The following PLIN1 variants were observed in gnomAD, a reference collection of about 807,000 sequenced individuals.
PLIN1 encodes perilipin 1.
Under a neutral mutation model 45.8 loss-of-function variants are expected in PLIN1, and 37 were observed. The observed-to-expected ratio is 0.81, with a 90% CI of 0.62 to 1.06. The LOEUF (loss-of-function observed/expected upper bound fraction) is 1.06. Among genes scored for constraint, PLIN1 ranks in the 50% least tolerant of loss-of-function variants. The pLI, the probability that PLIN1 is intolerant of heterozygous loss-of-function variation, is 0.00. For missense variants in PLIN1, 776 were observed against 716.5 expected (o/e 1.08, Z -0.95); for synonymous variants, 340 against 309.2 (o/e 1.10, Z -1.05).
chr15:89,664,995 C>G lies in PLIN1; in HGVS notation c.*588G>C, dbSNP rs1964308485. On this transcript the variant is annotated 3_prime_UTR_variant, in exon 9 of 9. Coordinates refer to ENST00000300055, the MANE Select transcript of PLIN1 (RefSeq NM_002666.5). ...CTCAGCCTGTGAAGCGGCGGGTACT[C>G]AGAAAGTGACACTAGTATTTTAAAT... The G allele has an allele frequency of 2.2e-6, 1 of 448,436 alleles. No homozygotes were observed. Among genetic ancestry groups the G allele is most frequent in the African/African-American group, 2.0e-5 (1 of 49,706 alleles). 27.8% of individuals were successfully genotyped at this position (448,436 alleles called of 1,614,324 possible). A position where few individuals can be genotyped will look rare whatever the true frequency, so the allele number is the denominator to read the frequency against.
chr15:89,670,373 T>C, intron 4 of PLIN1, 129 bp from the exon 5 acceptor site: 1 of 911,522 alleles, frequency 1.1e-6, no homozygotes, highest in Non-Finnish European at 1.7e-6. Context: ...GAACTGGTAC[T>C]GATATTTAGG....
intron 1 of PLIN1, among the ~76,000 whole-genome samples, chr15:89,678,236 G>A (rs113014442): frequency 0.065 from 9,892 of 151,908 alleles, 355 homozygotes; most frequent in Middle Eastern, 0.11. Context: ...GAGGCCAGGC[G>A]CGGTGGCTCA....
At chr15:89,674,146 G>A (rs898189224) in intron 2 of PLIN1, among the ~76,000 whole-genome samples, 1 of 152,226 alleles carries the variant, frequency 6.6e-6, no homozygotes, top group African/African-American at 2.4e-5. Context: ...GTGCCTAGTA[G>A]AATGTGTAGG....
chr15:89,678,509 C>CAA (rs796189693), intron 1 of PLIN1, among the ~76,000 whole-genome samples: 24 of 129,890 alleles, frequency 1.8e-4, no homozygotes, highest in African/African-American at 6.5e-4. Context: ...GACTCTGTCT[C>CAA]AAAAAAAAAA....
At chr15:89,668,710 G>A (rs766910246) in intron 6 of PLIN1, among the ~76,000 whole-genome samples, 1 of 152,176 alleles carries the variant, frequency 6.6e-6, no homozygotes. Flanking sequence ...CCAGGCATGT[G>A]ACTCAGTCTC....
At chr15:89,675,932 G>C (rs1226178861) in intron 2 of PLIN1, among the ~76,000 whole-genome samples, 6 of 152,172 alleles carry the variant, frequency 3.9e-5, no homozygotes, top group Non-Finnish European at 8.8e-5. Context: ...AAGTGAGGAC[G>C]AGGCGGGATT....
At chr15:89,675,502 G>A (rs1243522696) in intron 2 of PLIN1, among the ~76,000 whole-genome samples, 1 of 151,854 alleles carries the variant, frequency 6.6e-6, no homozygotes, top group Non-Finnish European at 1.5e-5. Context: ...AGCTGCTGGG[G>A]AGGCTGAGGT....
intron 2 of PLIN1, among the ~76,000 whole-genome samples, chr15:89,675,587 A>G (rs2141538411): frequency 6.6e-6 from 1 of 152,254 alleles, no homozygotes; most frequent in South Asian, 2.1e-4. Flanking sequence ...AGCCGGGGTG[A>G]CAGAGCAAGA....
chr15:89,669,842 A>C, intron 5 of PLIN1, 138 bp downstream of exon 5: 1 of 998,020 alleles, frequency 1.0e-6, no homozygotes, highest in Non-Finnish European at 1.5e-6. Context: ...TGGGGGGGGT[A>C]AATGATTATG....
At position 89,665,937 on chromosome 15, in the gene PLIN1, G is replaced by T. The variant is rs1204682760; in HGVS notation, c.1215C>A (p.Pro405=). 2 of 1,510,820 alleles carry T rather than the reference G, an allele frequency of 1.3e-6. No individual in the cohort carries two copies. The highest frequency in any genetic ancestry group is 2.6e-5 in the East Asian group (1 of 37,896). The allele number at this position is 1,510,820 out of a possible 1,614,324, so 93.6% of individuals were successfully genotyped here. A position where few individuals can be genotyped will look rare whatever the true frequency, so the allele number is the denominator to read the frequency against. Residue 405 remains proline (P), a synonymous_variant, in exon 9 of 9, where the codon CCC becomes CCA. Coordinates refer to ENST00000300055, the MANE Select transcript of PLIN1 (RefSeq NM_002666.5). ...VDTVVHYVPL[P]RLSLMEPESE... is the part of the protein sequence containing the mutation. ...TCTCGGGCTCCATCAGCGACAGCCT[G>T]GGGAGCTGAGGGCCCGGCAGCCGCC...
rs201579932 is a variant in PLIN1, at chr15:89,667,182, C to T, written c.964-1G>A. On this transcript the variant is annotated splice_acceptor_variant, in intron 7 of 8. Coordinates refer to ENST00000300055, the MANE Select transcript of PLIN1 (RefSeq NM_002666.5). LOFTEE classifies it high-confidence loss of function. ...CTCGAGGGCCTGGCAGGGCTGCTAC[C>T]TGGGGGCCAAAGCAGGGTCAGTGCC... 249 of 1,612,868 alleles carry T rather than the reference C, an allele frequency of 1.5e-4. No individual in the cohort carries two copies. The highest frequency in any genetic ancestry group is 2.1e-4 in the Non-Finnish European group (244 of 1,179,994).
Position 89,670,311 on chromosome 15 carries a change from G to T in PLIN1, c.334-67C>A, listed in dbSNP as rs1567078073. ...GGCCCTACAAGGGCTGCCCTTCCGG[G>T]GTCTGGTGGCCTGAGCCCAGCTCCC... On this transcript the variant is annotated intron_variant, in intron 4 of 8. Transcript: ENST00000300055. 5 of 1,536,224 alleles carry T rather than the reference G, an allele frequency of 3.3e-6. No homozygotes were observed. The South Asian group carries it at 6.2e-5, about 19-fold the overall frequency.
intron 1 of PLIN1, among the ~76,000 whole-genome samples, chr15:89,678,859 T>G: frequency 6.6e-6 from 1 of 152,110 alleles, no homozygotes; most frequent in East Asian, 1.9e-4. Flanking sequence ...CCCTATCTGT[T>G]TTTTGAGACA....
chr15:89,671,550 C>T lies in PLIN1; in HGVS notation c.265G>A (p.Glu89Lys), dbSNP rs1346154246. 9 of 1,567,452 alleles carry T rather than the reference C, an allele frequency of 5.7e-6. No individual in the cohort carries two copies. The highest frequency in any genetic ancestry group is 1.4e-5 in the African/African-American group (1 of 73,918). ...RLSTQFTAAN[E>K]LACRGLDHLE... ...TGGTCCAAGCCTCGGCAGGCCAGCT[C>T]ATTGGCAGCTGTGACTGGAAGGAAA... is the stretch of plus-strand genomic sequence containing the variant. The change falls in exon 4 of 9, where the codon GAG (glutamate) becomes AAG (lysine). Residue 89 changes from glutamate to lysine, a missense_variant. Transcript: ENST00000300055.
Position 89,664,731 on chromosome 15 carries a change from A to G in PLIN1, c.*852T>C. ...GGGGAGCTCGGGGAGAAAGACACAC[A>G]TCCTTTTGCAATATTTGAATTCTGT... On this transcript the variant is annotated 3_prime_UTR_variant, in exon 9 of 9. Coordinates refer to ENST00000300055, the MANE Select transcript of PLIN1 (RefSeq NM_002666.5). 7.5e-6 allele frequency: 3 copies of G among 401,952 alleles called. No homozygotes were observed. Among genetic ancestry groups the G allele is most frequent in the South Asian group, 5.6e-5 (3 of 54,046 alleles). 24.9% of individuals were successfully genotyped at this position (401,952 alleles called of 1,614,324 possible). A position where few individuals can be genotyped will look rare whatever the true frequency, so the allele number is the denominator to read the frequency against.
At chr15:89,666,724 C>T (rs1422685885) in intron 8 of PLIN1, among the ~76,000 whole-genome samples, 2 of 151,976 alleles carry the variant, frequency 1.3e-5, no homozygotes, top group African/African-American at 4.8e-5. Flanking sequence ...GGGGAGAGGC[C>T]TCAGGCCAGA....
At chr15:89,674,127 G>T (rs561734995) in intron 2 of PLIN1, among the ~76,000 whole-genome samples, 3 of 152,356 alleles carry the variant, frequency 2.0e-5, no homozygotes, top group African/African-American at 4.8e-5. Context: ...GTGAACCACA[G>T]TCAGGGCTGT....
intron 8 of PLIN1, among the ~76,000 whole-genome samples, chr15:89,666,601 C>T (rs558230388): frequency 6.6e-6 from 1 of 152,310 alleles, no homozygotes; most frequent in Non-Finnish European, 1.5e-5. Context: ...TCCCAGGCAG[C>T]AGCATGCAAA....
intron 7 of PLIN1, 34 bp from the exon 8 acceptor site, chr15:89,667,215 G>A: frequency 6.8e-6 from 11 of 1,611,196 alleles, no homozygotes; most frequent in Non-Finnish European, 9.3e-6. Context: ...GCCTCCTGTG[G>A]TAACTCCCCT....
Sources: allele counts gnomAD v4.1 joint callset (sites outside exome capture counted in the v4.1 genomes callset), GRCh38; gene constraint gnomAD v4.1.1; transcripts MANE v1.5; gene names NCBI Gene and HGNC (gene_info 2026-07-23, HGNC 2026-07-21).